The following CNGA1 variants were observed in gnomAD, a reference collection of about 807,000 sequenced individuals.
The protein encoded by CNGA1 is cyclic nucleotide-gated channel alpha-1.
A neutral mutation model predicts 69.7 loss-of-function variants in CNGA1; 53 were observed. The ratio of observed to expected loss-of-function variants is 0.76; its 90% confidence interval spans 0.61 to 0.96. The LOEUF (loss-of-function observed/expected upper bound fraction) is 0.96. Among genes scored for constraint, CNGA1 ranks in the 40% least tolerant of loss-of-function variants. The probability of loss-of-function intolerance (pLI) is 0.00; values close to 1 mark genes in which losing one functional copy is unlikely to be tolerated. For missense variants in CNGA1, 739 were observed against 811.2 expected (o/e 0.91, Z 1.08); for synonymous variants, 249 against 283.5 (o/e 0.88, Z 1.22).
chr4:47,964,224 T>C (rs1052804485), intron 3 of CNGA1, among the ~76,000 whole-genome samples: 1 of 152,182 alleles, frequency 6.6e-6, no homozygotes, highest in Non-Finnish European at 1.5e-5. Flanking sequence ...TCATGCCTTA[T>C]GACTAGGGAA....
Position 47,936,361 on chromosome 4 carries a change from T to C in CNGA1, c.*60A>G. 6.4e-7 allele frequency: 1 copy of C among 1,568,942 alleles called. No individual in the cohort carries two copies. The highest frequency in any genetic ancestry group is 1.1e-5 in the South Asian group (1 of 89,900). On this transcript the variant is annotated 3_prime_UTR_variant, in exon 11 of 11. Transcript: ENST00000514170. ...CTCTTCTTTTAAATTTTAGTTGATG[T>C]CAGTCATAGGATCAAAAGGATCATG...
intron 1 of CNGA1, among the ~76,000 whole-genome samples, chr4:48,015,996 G>A (rs1278063980): frequency 2.6e-5 from 4 of 152,168 alleles, no homozygotes; most frequent in Non-Finnish European, 5.9e-5. Flanking sequence ...TCTGTAAACT[G>A]AGCGTTAATA....
At chr4:47,961,563 T>G (rs1382262631) in intron 3 of CNGA1, among the ~76,000 whole-genome samples, 1 of 152,122 alleles carries the variant, frequency 6.6e-6, no homozygotes, top group African/African-American at 2.4e-5. Context: ...GGCAACATAG[T>G]GAGATCCCCA....
intron 10 of CNGA1, 43 bp from the exon 11 acceptor site, chr4:47,937,872 T>C (rs1440698665): frequency 2.0e-6 from 3 of 1,487,374 alleles, no homozygotes; most frequent in African/African-American, 1.4e-5. Context: ...CTCCTTTTTA[T>C]GTCATTGTGA....
chr4:47,954,003 C>T (rs1560627407), intron 3 of CNGA1, among the ~76,000 whole-genome samples: 1 of 152,126 alleles, frequency 6.6e-6, no homozygotes, highest in African/African-American at 2.4e-5. Flanking sequence ...ACGTCCCCCC[C>T]ATCCTGTGCC....
intron 2 of CNGA1, among the ~76,000 whole-genome samples, chr4:47,996,962 A>G (rs1246687267): frequency 6.6e-6 from 1 of 152,136 alleles, no homozygotes; most frequent in Non-Finnish European, 1.5e-5. Context: ...CAGGAGGCTG[A>G]GGCAGGAGAA....
At chr4:47,977,191 G>A (rs984231945) in intron 3 of CNGA1, among the ~76,000 whole-genome samples, 1 of 152,212 alleles carries the variant, frequency 6.6e-6, no homozygotes, top group Non-Finnish European at 1.5e-5. Context: ...CCTTTAAAGA[G>A]ATGATTAAGT....
At chr4:48,000,187 A>T (rs559948523) in intron 2 of CNGA1, among the ~76,000 whole-genome samples, 2 of 152,272 alleles carry the variant, frequency 1.3e-5, no homozygotes, top group South Asian at 4.1e-4. Flanking sequence ...TTGGATCAAC[A>T]TGTGTAATTG....
chr4:47,936,250 C>A lies in CNGA1; in HGVS notation c.*171G>T. 1.5e-6 allele frequency: 1 copy of A among 654,758 alleles called. No individual in the cohort carries two copies. The highest frequency in any genetic ancestry group is 2.6e-6 in the Non-Finnish European group (1 of 379,110). The allele number at this position is 654,758 out of a possible 1,614,324, so 40.6% of individuals were successfully genotyped here. A position where few individuals can be genotyped will look rare whatever the true frequency, so the allele number is the denominator to read the frequency against. On this transcript the variant is annotated 3_prime_UTR_variant, in exon 11 of 11. Coordinates refer to ENST00000514170, the MANE Select transcript of CNGA1 (RefSeq NM_001379270.1). ...TCCCAAGATATAAAGCTTTTTTAATCATAGTATCTCTCAGAGAGGGTGTGG... is the reference window on the plus strand; with the variant it reads ...TCCCAAGATATAAAGCTTTTTTAATAATAGTATCTCTCAGAGAGGGTGTGG...
rs1738632160 is a variant in CNGA1, at chr4:47,936,281, G to A, written c.*140C>T. On this transcript the variant is annotated 3_prime_UTR_variant, in exon 11 of 11. Coordinates refer to ENST00000514170, the MANE Select transcript of CNGA1 (RefSeq NM_001379270.1). Reference sequence around the variant, plus strand: ...ATCTCTCAGAGAGGGTGTGGGCCTTGTACCTTGCACCAAAGCACATTTTCC... The same window carrying A: ...ATCTCTCAGAGAGGGTGTGGGCCTTATACCTTGCACCAAAGCACATTTTCC... The A allele has an allele frequency of 1.2e-5, 10 of 849,376 alleles. No individual in the cohort carries two copies. Among genetic ancestry groups the A allele is most frequent in the South Asian group, 2.9e-5 (2 of 68,828 alleles). 52.6% of individuals were successfully genotyped at this position (849,376 alleles called of 1,614,324 possible).
Position 47,942,091 on chromosome 4 carries a change from C to T in CNGA1, c.495G>A (p.Leu165=), listed in dbSNP as rs1360039862. The T allele has an allele frequency of 3.1e-6, 5 of 1,613,234 alleles. No homozygotes were observed. The highest frequency in any genetic ancestry group is 1.7e-5 in the Admixed American group (1 of 59,968). The stretch of plus-strand genomic sequence containing the variant: ...ACATAACAGGTAATGTGATGCAAAA[C>T]AGCCAGTTGTAATATGTGTTTCCCG... ...DPSGNTYYNW[L]FCITLPVMYN... The change falls in exon 9 of 11, where the codon CTG becomes CTA. Residue 165 remains leucine, a synonymous_variant. Coordinates refer to ENST00000514170, the MANE Select transcript of CNGA1 (RefSeq NM_001379270.1).
intron 3 of CNGA1, chr4:47,971,081 G>A (rs1473962031): frequency 2.2e-6 from 1 of 454,512 alleles, no homozygotes; most frequent in Non-Finnish European, 4.4e-6. Context: ...CTCCAGCCTG[G>A]GCGAAGAGCG....
At chr4:47,946,965 G>A (rs963072618) in intron 6 of CNGA1, among the ~76,000 whole-genome samples, 4 of 152,016 alleles carry the variant, frequency 2.6e-5, no homozygotes, top group African/African-American at 7.2e-5. Context: ...TGTATTTTTA[G>A]TAGAAATGAG....
intron 1 of CNGA1, among the ~76,000 whole-genome samples, chr4:48,013,143 C>G (rs79598282): frequency 0.13 from 19,298 of 152,150 alleles, 1,617 homozygotes; most frequent in South Asian, 0.28. Flanking sequence ...TGCTCTCAGA[C>G]CTCAGCAAAT....
At position 47,937,664 on chromosome 4, in the gene CNGA1, C is replaced by T. The variant is rs371238926; in HGVS notation, c.818G>A (p.Arg273Gln). 19 of 1,614,086 alleles carry T rather than the reference C, an allele frequency of 1.2e-5. No individual in the cohort carries two copies. The highest frequency in any genetic ancestry group is 2.7e-5 in the African/African-American group (2 of 75,020). Residue 273 changes from arginine (R) to glutamine (Q), a missense_variant, in exon 11 of 11, where the codon CGG becomes CAG. Transcript: ENST00000514170. ...GAAGAACTCAAACATACGAGAGAAC[C>T]GTAACAACCTGTTTAATCTAATTTC... is the stretch of plus-strand genomic sequence containing the variant. ...YPEIRLNRLLRFSRMFEFFQR... is the reference protein window; with the variant it reads ...YPEIRLNRLLQFSRMFEFFQR...
chr4:48,005,153 T>A (rs1714864152), intron 2 of CNGA1, among the ~76,000 whole-genome samples: 1 of 150,638 alleles, frequency 6.6e-6, no homozygotes, highest in African/African-American at 2.5e-5. Context: ...AGTCTTGCTC[T>A]TGTTGCCAGG....
intron 2 of CNGA1, among the ~76,000 whole-genome samples, chr4:48,009,660 C>T (rs1402218110): frequency 6.6e-6 from 1 of 151,876 alleles, no homozygotes; most frequent in African/African-American, 2.4e-5. Flanking sequence ...AAAAATTAGC[C>T]ATGTGTGGTG....
At chr4:47,995,608 T>A (rs1291242618) in intron 2 of CNGA1, among the ~76,000 whole-genome samples, 1 of 150,166 alleles carries the variant, frequency 6.7e-6, no homozygotes, top group Non-Finnish European at 1.5e-5. Flanking sequence ...GTCTCCCTGA[T>A]TAGCTTAATA....
At chr4:48,007,741 T>C (rs1714984736) in intron 2 of CNGA1, among the ~76,000 whole-genome samples, 1 of 152,216 alleles carries the variant, frequency 6.6e-6, no homozygotes, top group African/African-American at 2.4e-5. Flanking sequence ...TAGGAATTAT[T>C]TTTATAAAAC....
Sources: gnomAD v4.1 joint callset for allele counts (sites outside exome capture counted in the v4.1 genomes callset) on GRCh38, gnomAD v4.1.1 for gene constraint, MANE v1.5 for transcripts, NCBI Gene and HGNC (gene_info 2026-07-23, HGNC 2026-07-21) for gene names.